Variants in SATL1 observed in about 807,000 individuals in gnomAD.
SATL1 encodes the protein spermidine/spermine N1-acetyl transferase like 1.
SATL1 carries 47 observed loss-of-function variants against 51.8 expected under a neutral mutation model. The observed-to-expected ratio is 0.91, with a 90% CI of 0.72 to 1.16. The LOEUF (loss-of-function observed/expected upper bound fraction) is 1.16. Ranked by LOEUF, SATL1 falls within the 50% of genes most tolerant of loss-of-function variation. The pLI is 0.00. For synonymous variants in SATL1, 176 were observed against 182.4 expected, an observed-to-expected ratio of 0.97 and a Z score of 0.28; for missense variants, 520 against 526.4, an observed-to-expected ratio of 0.99 and a Z score of 0.12.
chrX:85,098,931 G>A (rs1924812181), intron 4 of SATL1, among the ~76,000 whole-genome samples: 1 of 111,272 alleles, frequency 9.0e-6, no homozygotes, highest in Admixed American at 9.6e-5. Flanking sequence ...GCTTGCAGAA[G>A]TAAGGTAATA....
At chrX:85,204,628 C>T (rs951158843) in intron 2 of SATL1, among the ~76,000 whole-genome samples, 19 of 111,627 alleles carry the variant, frequency 1.7e-4, no homozygotes, top group African/African-American at 6.2e-4. Context: ...AGAAACAATT[C>T]CTCTCTAATT....
intron 2 of SATL1, among the ~76,000 whole-genome samples, chrX:85,130,105 C>A (rs1218766704): frequency 9.0e-6 from 1 of 111,547 alleles, no homozygotes; most frequent in East Asian, 2.8e-4. Context: ...ATCTAAAATT[C>A]TCTTTTTTTG....
chrX:85,108,413 G>A lies in SATL1; in HGVS notation c.556C>T (p.Pro186Ser). The change falls in exon 3 of 8, where the codon CCA (proline) becomes TCA (serine). Residue 186 changes from proline (P) to serine (S), a missense_variant. This residue lies in a region of SATL1 where 488 missense variants were observed against 474.3 expected (regional missense o/e 1.03). Transcript: ENST00000644105. ...TGLSQPVLRQ[P>S]NMSPPGMWQP... ...CACATGCCTGGTGGACTCATGTTTGGTTGCCTCAGGACTGGTTGGCTCAGT... is the reference window on the plus strand; with the variant it reads ...CACATGCCTGGTGGACTCATGTTTGATTGCCTCAGGACTGGTTGGCTCAGT... 1 of 1,211,255 alleles carries A rather than the reference G, an allele frequency of 8.3e-7. No individual in the cohort carries two copies. Among genetic ancestry groups the A allele is most frequent in the East Asian group, 3.0e-5 (1 of 33,778 alleles).
At chrX:85,151,655 T>G (rs2147721905) in intron 2 of SATL1, among the ~76,000 whole-genome samples, 1 of 110,782 alleles carries the variant, frequency 9.0e-6, no homozygotes, top group African/African-American at 3.3e-5. Context: ...CCCTCAGAAA[T>G]AATGCCGCAT....
At chrX:85,226,667 A>G (rs1463063853) in intron 1 of SATL1, among the ~76,000 whole-genome samples, 1 of 110,837 alleles carries the variant, frequency 9.0e-6, no homozygotes, top group African/African-American at 3.3e-5. Context: ...TGATCAATAT[A>G]TATTAATAAA....
intron 2 of SATL1, among the ~76,000 whole-genome samples, chrX:85,162,172 G>A (rs911416253): frequency 7.2e-5 from 8 of 111,797 alleles, no homozygotes; most frequent in African/African-American, 2.6e-4. Flanking sequence ...GCAAAGTTAA[G>A]AAAGAAATTA....
At chrX:85,197,812 A>G (rs1927605520) in intron 2 of SATL1, among the ~76,000 whole-genome samples, 1 of 110,462 alleles carries the variant, frequency 9.1e-6, no homozygotes, top group Non-Finnish European at 1.9e-5. Context: ...CCATGTCCCT[A>G]CAAAGGATAT....
intron 2 of SATL1, among the ~76,000 whole-genome samples, chrX:85,145,049 A>T (rs998594703): frequency 9.0e-6 from 1 of 110,517 alleles, no homozygotes; most frequent in Admixed American, 9.7e-5. Context: ...AAAAAATAAA[A>T]TAAATAAAAT....
At chrX:85,126,887 A>G (rs1289550302) in intron 2 of SATL1, among the ~76,000 whole-genome samples, 1 of 105,607 alleles carries the variant, frequency 9.5e-6, no homozygotes, top group Non-Finnish European at 2.0e-5. Context: ...GCTGATATAT[A>G]CCATTATAGG....
chrX:85,238,536 C>G (rs975989536), intron 1 of SATL1, among the ~76,000 whole-genome samples: 2 of 110,715 alleles, frequency 1.8e-5, no homozygotes, highest in Non-Finnish European at 3.8e-5. Flanking sequence ...AAAATAGAGA[C>G]CAGAATGATG....
intron 2 of SATL1, among the ~76,000 whole-genome samples, chrX:85,161,035 C>T (rs1926707093): frequency 8.9e-6 from 1 of 111,845 alleles, no homozygotes; most frequent in African/African-American, 3.2e-5. Flanking sequence ...AAAGTAATAA[C>T]AACCAAAAAT....
intron 2 of SATL1, among the ~76,000 whole-genome samples, chrX:85,152,419 G>A (rs768519462): frequency 9.0e-6 from 1 of 111,672 alleles, no homozygotes; most frequent in African/African-American, 3.3e-5. Context: ...CGATTCCTCA[G>A]GGATCTAGAA....
intron 6 of SATL1, among the ~76,000 whole-genome samples, chrX:85,093,637 G>A (rs1472799797): frequency 1.8e-5 from 2 of 112,412 alleles, no homozygotes; most frequent in Non-Finnish European, 3.8e-5. Flanking sequence ...GGGAGGCCAA[G>A]GCAGGAGGAT....
intron 2 of SATL1, among the ~76,000 whole-genome samples, chrX:85,179,820 G>C (rs1382129389): frequency 9.1e-6 from 1 of 109,677 alleles, no homozygotes; most frequent in Non-Finnish European, 1.9e-5. Flanking sequence ...AGGGCCATGG[G>C]ACTAAGCAAC....
At chrX:85,095,658 C>T (rs1459034168) in intron 4 of SATL1, among the ~76,000 whole-genome samples, 8 of 105,001 alleles carry the variant, frequency 7.6e-5, no homozygotes, top group African/African-American at 2.8e-4. Context: ...AACCCCGTCT[C>T]TACTAAAAAT....
chrX:85,223,454 T>C (rs1928213502), intron 2 of SATL1, among the ~76,000 whole-genome samples: 1 of 111,429 alleles, frequency 9.0e-6, no homozygotes, highest in African/African-American at 3.3e-5. Flanking sequence ...AGAAGAAAGA[T>C]GAAGTCAAGT....
At chrX:85,204,681 C>T (rs1697393752) in intron 2 of SATL1, among the ~76,000 whole-genome samples, 1 of 111,482 alleles carries the variant, frequency 9.0e-6, no homozygotes, top group African/African-American at 3.3e-5. Context: ...CTAATTACCT[C>T]TTTGACTTTC....
At chrX:85,148,426 C>G (rs1488168013) in intron 2 of SATL1, among the ~76,000 whole-genome samples, 1 of 109,932 alleles carries the variant, frequency 9.1e-6, no homozygotes, top group Non-Finnish European at 1.9e-5. Context: ...CCCAATCTAG[C>G]AAGGCAGGCC....
intron 2 of SATL1, among the ~76,000 whole-genome samples, chrX:85,144,094 C>A (rs1407468424): frequency 9.0e-6 from 1 of 111,304 alleles, no homozygotes; most frequent in Non-Finnish European, 1.9e-5. Context: ...ACTTAAATTT[C>A]TCTAAACAGC....
Sources: gnomAD v4.1 joint callset for allele counts (sites outside exome capture counted in the v4.1 genomes callset) on GRCh38, gnomAD v4.1.1 for gene constraint, gnomAD v4.1.1 regional missense constraint, MANE v1.5 for transcripts, NCBI Gene and HGNC (gene_info 2026-07-23, HGNC 2026-07-21) for gene names.